SDK1: variants seen among roughly 807,000 people sequenced by gnomAD.
SDK1 encodes sidekick cell adhesion molecule 1, also known as protein sidekick-1.
A neutral mutation model predicts 245.5 loss-of-function variants in SDK1; 157 were observed. That is an observed-to-expected ratio of 0.64 (90% CI 0.56 to 0.73). The LOEUF is 0.73. Ranked by LOEUF, SDK1 falls within the 30% of genes least tolerant of loss-of-function variation. The pLI, the probability that SDK1 is intolerant of heterozygous loss-of-function variation, is 0.00. For missense variants in SDK1, 3,583 were observed against 3,002.3 expected (o/e 1.19, Z -4.52); for synonymous variants, 1,647 against 1,278.5 (o/e 1.29, Z -6.15).
chr7:3,625,088 A>G (rs755745430), intron 2 of SDK1, among the ~76,000 whole-genome samples: 9 of 152,186 alleles, frequency 5.9e-5, no homozygotes, highest in African/African-American at 1.4e-4. Context: ...TCTCAAACCA[A>G]TGCTAAAAAC....
chr7:4,184,278 G>C (rs1194241595), intron 35 of SDK1, among the ~76,000 whole-genome samples: 1 of 152,226 alleles, frequency 6.6e-6, no homozygotes, highest in Non-Finnish European at 1.5e-5. Flanking sequence ...TGGTCCCATA[G>C]GTAAGCGTGC....
intron 1 of SDK1, among the ~76,000 whole-genome samples, chr7:3,506,512 G>A (rs192691389): frequency 9.2e-5 from 14 of 152,106 alleles, no homozygotes; most frequent in East Asian, 1.9e-4. Flanking sequence ...TTTTAACATT[G>A]TATTTTCAAA....
chr7:4,179,954 C>G lies in SDK1; in HGVS notation c.5098+1368C>G, dbSNP rs564556795. ...AGCAGAAGGTGTGGGTGTCAGAGCT[C>G]TGCCTGAGGGTCTGCCTGCGCCTGG... On this transcript the variant is annotated intron_variant, in intron 35 of 44. Transcript: ENST00000404826. Among the ~76,000 whole-genome samples, 3 of 152,036 alleles carry G rather than the reference C, an allele frequency of 2.0e-5. 1 individual carries two copies. Among genetic ancestry groups the G allele is most frequent in the African/African-American group, 4.8e-5 (2 of 41,448 alleles).
chr7:3,795,020 T>G (rs1452203117), intron 4 of SDK1, among the ~76,000 whole-genome samples: 1 of 152,212 alleles, frequency 6.6e-6, no homozygotes, highest in Non-Finnish European at 1.5e-5. Flanking sequence ...CTAGAAACTT[T>G]GCAGATGTAG....
At chr7:4,187,319 A>G (rs1174850058) in intron 35 of SDK1, among the ~76,000 whole-genome samples, 3 of 152,236 alleles carry the variant, frequency 2.0e-5, no homozygotes. Flanking sequence ...TTGCTATTAG[A>G]AATGAAGCTA....
chr7:3,475,127 C>A (rs999381654), intron 1 of SDK1, among the ~76,000 whole-genome samples: 12 of 152,188 alleles, frequency 7.9e-5, no homozygotes, highest in African/African-American at 2.7e-4. Context: ...CTCTTTGATT[C>A]CTTCCCCTTG....
intron 1 of SDK1, among the ~76,000 whole-genome samples, chr7:3,343,663 G>A (rs1026547226): frequency 2.6e-5 from 4 of 152,058 alleles, no homozygotes; most frequent in African/African-American, 7.2e-5. Flanking sequence ...AAGGGTGAAT[G>A]GGATCTCTGT....
At chr7:4,074,856 TTCTCTC>T (rs1159856321) in intron 20 of SDK1, among the ~76,000 whole-genome samples, 25 of 72,330 alleles carry the variant, frequency 3.5e-4, no homozygotes, top group Middle Eastern at 8.3e-3. Context: ...GAGCAAGACT[TTCTCTC>T]TCTCTCTCTC....
chr7:4,254,074 A>G (rs908134261), intron 44 of SDK1, among the ~76,000 whole-genome samples: 2 of 152,150 alleles, frequency 1.3e-5, no homozygotes, highest in East Asian at 1.9e-4. Flanking sequence ...CTTTACTCCT[A>G]TAGCTGTATT....
At chr7:4,120,047 A>G (rs1273728972) in intron 25 of SDK1, among the ~76,000 whole-genome samples, 3 of 149,190 alleles carry the variant, frequency 2.0e-5, no homozygotes, top group Admixed American at 6.7e-5. Context: ...GACACTGTCA[A>G]AAAGAGAATT....
chr7:3,744,183 G>A (rs1415080336), intron 4 of SDK1, among the ~76,000 whole-genome samples: 1 of 151,866 alleles, frequency 6.6e-6, no homozygotes, highest in East Asian at 1.9e-4. Flanking sequence ...TTATTTAGTT[G>A]GTTTCTCAAA....
chr7:3,424,014 C>T (rs527309510), intron 1 of SDK1, among the ~76,000 whole-genome samples: 11 of 151,760 alleles, frequency 7.2e-5, no homozygotes, highest in Admixed American at 1.3e-4. Context: ...CAGGTTCAAG[C>T]GATCCTCCTA....
chr7:3,902,257 T>C (rs1781816138), intron 5 of SDK1, among the ~76,000 whole-genome samples: 1 of 152,178 alleles, frequency 6.6e-6, no homozygotes, highest in Admixed American at 6.5e-5. Context: ...TAATTCCAGT[T>C]CATCATCACA....
chr7:4,023,930 G>C (rs999208515), intron 17 of SDK1, among the ~76,000 whole-genome samples: 1 of 152,232 alleles, frequency 6.6e-6, no homozygotes, highest in African/African-American at 2.4e-5. Context: ...AGCCTGTATG[G>C]ATTAGCAAAC....
At chr7:3,408,299 C>A (rs1230548097) in intron 1 of SDK1, among the ~76,000 whole-genome samples, 21 of 152,120 alleles carry the variant, frequency 1.4e-4, no homozygotes. Flanking sequence ...CTGCTGTGGC[C>A]TCCCAAAGTG....
chr7:3,666,490 A>G (rs7341473), intron 4 of SDK1, among the ~76,000 whole-genome samples: 55,814 of 151,948 alleles, frequency 0.37, 11,163 homozygotes, highest in African/African-American at 0.52. Flanking sequence ...CCTGCTGCCG[A>G]CACACAGCAG....
At chr7:3,348,614 G>T (rs1229398032) in intron 1 of SDK1, among the ~76,000 whole-genome samples, 2 of 152,120 alleles carry the variant, frequency 1.3e-5, no homozygotes, top group Non-Finnish European at 2.9e-5. Context: ...CACTACCTGG[G>T]CTATGGGCTC....
intron 1 of SDK1, among the ~76,000 whole-genome samples, chr7:3,412,765 C>A (rs1779249757): frequency 6.6e-6 from 1 of 152,186 alleles, no homozygotes; most frequent in African/African-American, 2.4e-5. Flanking sequence ...CCTGCTATAA[C>A]TACCAATTAG....
rs1042810895 is a variant in SDK1 at position 4,024,379 on chromosome 7, C to T, written c.2602+7027C>T. ...GCACAAAAGATTTGTTTCTCAAGCC[C>T]TACAAGACTTTCTAGACCTCAGGCT... On this transcript the variant is annotated intron_variant, in intron 17 of 44. Transcript: ENST00000404826. Among the ~76,000 whole-genome samples, 4 of 135,360 alleles carry T rather than the reference C, an allele frequency of 3.0e-5. 1 individual carries two copies. The highest frequency in any genetic ancestry group is 1.2e-4 in the African/African-American group (4 of 32,254). 88.8% of individuals were successfully genotyped at this position (135,360 alleles called of 152,430 possible). A position where few individuals can be genotyped will look rare whatever the true frequency, so the allele number is the denominator to read the frequency against.
Sources: gnomAD v4.1 joint callset for allele counts (sites outside exome capture counted in the v4.1 genomes callset) on GRCh38, gnomAD v4.1.1 for gene constraint, MANE v1.5 for transcripts, NCBI Gene and HGNC (gene_info 2026-07-23, HGNC 2026-07-21) for gene names.